The following SMCO2 variants were observed in gnomAD, a reference collection of about 807,000 sequenced individuals.
The protein encoded by SMCO2 is single-pass membrane protein with coiled-coil domains 2.
In SMCO2, 25 loss-of-function variants were observed where a neutral mutation model predicts 29.5. The ratio of observed to expected loss-of-function variants is 0.85; its 90% CI spans 0.62 to 1.18. SMCO2 has a LOEUF of 1.18. Ranked by LOEUF, SMCO2 falls within the 50% of genes most tolerant of loss-of-function variation. The probability of loss-of-function intolerance (pLI) is 0.00; values close to 1 mark genes in which losing one functional copy is unlikely to be tolerated. For missense variants in SMCO2, 348 were observed against 344.5 expected (o/e 1.01, Z -0.08); for synonymous variants, 117 against 123.3 (o/e 0.95, Z 0.34).
At chr12:27,444,501 T>A in the SMCO2 span, among the ~76,000 whole-genome samples, 1 of 152,202 alleles carries the variant, frequency 6.6e-6, no homozygotes, top group African/African-American at 2.4e-5. Flanking sequence ...CAATTGGGAT[T>A]ACATCCAGCT....
At chr12:27,434,453 C>G in the SMCO2 span, among the ~76,000 whole-genome samples, 1 of 152,108 alleles carries the variant, frequency 6.6e-6, no homozygotes, top group African/African-American at 2.4e-5. Context: ...ATTTGAAGAG[C>G]AAAATACAGA....
At chr12:27,446,175 T>C in the SMCO2 span, among the ~76,000 whole-genome samples, 2 of 152,214 alleles carry the variant, frequency 1.3e-5, no homozygotes, top group Non-Finnish European at 2.9e-5. Context: ...GTGCTAGGAT[T>C]ACAGGCATGA....
At chr12:27,441,793 G>A in the SMCO2 span, among the ~76,000 whole-genome samples, 1 of 152,028 alleles carries the variant, frequency 6.6e-6, no homozygotes, top group Non-Finnish European at 1.5e-5. Context: ...ATCAGCACAT[G>A]GAATATTTTT....
Position 27,470,856 on chromosome 12 carries a change from G to C in SMCO2, c.134+91G>C. ...CGGTATGCAAACGATGAGATTTCCA[G>C]GTTCAGAGTCTAGGTTGACAGTCTT... On this transcript the variant is annotated intron_variant, in intron 2 of 7. Coordinates refer to ENST00000298876, the Ensembl canonical transcript of SMCO2. 2.1e-6 allele frequency: 3 copies of C among 1,400,666 alleles called. No homozygotes were observed. In the South Asian group the frequency reaches 4.1e-5, roughly 19 times the overall value. The allele number at this position is 1,400,666 out of a possible 1,614,324, so 86.8% of individuals were successfully genotyped here. A position where few individuals can be genotyped will look rare whatever the true frequency, so the allele number is the denominator to read the frequency against.
intron 7 of SMCO2, 92 bp from the exon 9 acceptor site, chr12:27,501,831 A>T: frequency 1.0e-6 from 1 of 974,032 alleles, no homozygotes; most frequent in Non-Finnish European, 1.4e-6. Context: ...ACTTAGTTGA[A>T]GTTTTAGAGC....
intron 7 of SMCO2, chr12:27,498,120 T>C: frequency 2.8e-6 from 1 of 354,776 alleles, no homozygotes; most frequent in Non-Finnish European, 5.5e-6. Flanking sequence ...TATGGCTGTA[T>C]CAAATAAACT....
At chr12:27,450,355 C>T in the SMCO2 span, among the ~76,000 whole-genome samples, 3 of 151,370 alleles carry the variant, frequency 2.0e-5, no homozygotes, top group South Asian at 2.1e-4. Flanking sequence ...CATGTGACCT[C>T]GCCTGTTTCT....
the SMCO2 span, among the ~76,000 whole-genome samples, chr12:27,448,539 A>T: frequency 6.6e-6 from 1 of 152,224 alleles, no homozygotes; most frequent in African/African-American, 2.4e-5. Flanking sequence ...GCATTGTGTC[A>T]GAAGAACAAA....
chr12:27,461,644 T>C, the SMCO2 span, among the ~76,000 whole-genome samples: 3 of 152,382 alleles, frequency 2.0e-5, no homozygotes, highest in East Asian at 3.9e-4. Flanking sequence ...TCTTCCACCA[T>C]TGCCTTCTCT....
At chr12:27,480,746 G>A (rs1005028422) in intron 4 of SMCO2, among the ~76,000 whole-genome samples, 4 of 151,900 alleles carry the variant, frequency 2.6e-5, no homozygotes, top group East Asian at 1.9e-4. Flanking sequence ...CATGTGATAC[G>A]CTGGCTACCC....
intron 4 of SMCO2, among the ~76,000 whole-genome samples, chr12:27,481,259 G>A (rs1364829286): frequency 6.6e-6 from 1 of 152,208 alleles, no homozygotes; most frequent in Non-Finnish European, 1.5e-5. Context: ...GACAAACTTT[G>A]TCTGAAACAG....
chr12:27,439,097 A>G, the SMCO2 span, among the ~76,000 whole-genome samples: 1 of 152,340 alleles, frequency 6.6e-6, no homozygotes, highest in Admixed American at 6.5e-5. Context: ...CACAAGTAGC[A>G]TTAGGACTGT....
At chr12:27,469,043 A>G (rs759800764) in intron 1 of SMCO2, among the ~76,000 whole-genome samples, 31 of 152,204 alleles carry the variant, frequency 2.0e-4, no homozygotes, top group Non-Finnish European at 4.1e-4. Flanking sequence ...TGGGGGAGAC[A>G]TTGAGATGAT....
Position 27,495,698 on chromosome 12 carries a change from G to T in SMCO2, c.526G>T (p.Glu176Ter). ...TTTTCAGGACCTTTGCAAGAATGTG[G>T]AACTGCTGAGTGCAAAGCTAAGGAT... The change falls in exon 7 of 8, where the codon GAA (glutamate) becomes TAA (stop). Residue 176 changes from glutamate to a stop codon, truncating the protein, a stop_gained. Coordinates refer to ENST00000298876, the Ensembl canonical transcript of SMCO2. LOFTEE classifies it high-confidence loss of function. 1.4e-6 allele frequency: 2 copies of T among 1,479,040 alleles called. No homozygotes were observed. The highest frequency in any genetic ancestry group is 2.5e-5 in the East Asian group (1 of 40,120). 91.6% of individuals were successfully genotyped at this position (1,479,040 alleles called of 1,614,324 possible). A position where few individuals can be genotyped will look rare whatever the true frequency, so the allele number is the denominator to read the frequency against.
At chr12:27,484,871 A>AAT (rs775572569) in intron 4 of SMCO2, among the ~76,000 whole-genome samples, 1,196 of 76,364 alleles carry the variant, frequency 0.016, 19 homozygotes, top group Middle Eastern at 0.025. Context: ...AAAAAAAAAA[A>AAT]ATATATATAT....
At chr12:27,445,511 C>T in the SMCO2 span, among the ~76,000 whole-genome samples, 1 of 152,104 alleles carries the variant, frequency 6.6e-6, no homozygotes, top group Non-Finnish European at 1.5e-5. Flanking sequence ...CATATCACAG[C>T]CTTAGTTTAG....
chr12:27,463,222 C>A (rs1294232869), upstream of SMCO2, among the ~76,000 whole-genome samples: 3 of 152,182 alleles, frequency 2.0e-5, no homozygotes, highest in African/African-American at 7.2e-5. Flanking sequence ...TTCCCGTAGG[C>A]TGGGAACTTC....
chr12:27,470,647 A>G, exon 2 of SMCO2: 1 of 1,551,092 alleles, frequency 6.4e-7, no homozygotes, highest in African/African-American at 1.4e-5. Flanking sequence ...TCTCACGCCC[A>G]CAAACCTAAA....
upstream of SMCO2, among the ~76,000 whole-genome samples, chr12:27,464,890 A>C (rs306632): frequency 6.7e-6 from 1 of 149,778 alleles, no homozygotes; most frequent in East Asian, 2.0e-4. Flanking sequence ...TTAGCCGGGC[A>C]TGGTGGCGGG....
Sources: gnomAD v4.1 joint callset for allele counts (sites outside exome capture counted in the v4.1 genomes callset) on GRCh38, gnomAD v4.1.1 for gene constraint, MANE v1.5 for transcripts, NCBI Gene and HGNC (gene_info 2026-07-23, HGNC 2026-07-21) for gene names.